Variants in PLEKHA7 observed in about 807,000 individuals in gnomAD.
PLEKHA7 encodes the protein pleckstrin homology domain-containing family A member 7.
In PLEKHA7, 104 loss-of-function variants were observed where a neutral mutation model predicts 170.0. That is an observed-to-expected ratio of 0.61 (90% CI 0.52 to 0.72). The LOEUF (loss-of-function observed/expected upper bound fraction) is 0.72, where lower values mean the gene tolerates loss of function less well. Among genes scored for constraint, PLEKHA7 ranks in the 30% least tolerant of loss-of-function variants. The probability of loss-of-function intolerance (pLI) is 0.00; values close to 1 mark genes in which losing one functional copy is unlikely to be tolerated. For synonymous variants in PLEKHA7, 648 were observed against 660.8 expected, an observed-to-expected ratio of 0.98 and a Z score of 0.30; for missense variants, 1,615 against 1,671.7, an observed-to-expected ratio of 0.97 and a Z score of 0.59.
At chr11:17,006,542 C>T (rs1455152140) in intron 3 of PLEKHA7, among the ~76,000 whole-genome samples, 3 of 150,792 alleles carry the variant, frequency 2.0e-5, no homozygotes, top group African/African-American at 7.3e-5. Context: ...GTGGAAGAAT[C>T]GCTTGAACCC....
At chr11:16,962,038 T>A (rs1862094235) in intron 3 of PLEKHA7, among the ~76,000 whole-genome samples, 1 of 152,170 alleles carries the variant, frequency 6.6e-6, no homozygotes. Flanking sequence ...CACTCCCACT[T>A]CAGAAGGGAG....
rs368569915 is a variant in PLEKHA7, at chr11:16,985,486, G to A, written c.221+28503C>T. ...GTGTAACATGAAGCAGGACAGTCAC[G>A]TGAGCAGCAAATGCAGTGCCAAGAG... On this transcript the variant is annotated intron_variant, in intron 3 of 26. Transcript: ENST00000531066. Among the ~76,000 whole-genome samples the A allele has an allele frequency of 4.0e-5, 6 of 151,864 alleles. No individual in the cohort carries two copies. In the East Asian group the frequency reaches 7.8e-4, roughly 20 times the overall value.
chr11:16,793,881 G>A (rs889765071), intron 19 of PLEKHA7, among the ~76,000 whole-genome samples: 2 of 152,200 alleles, frequency 1.3e-5, no homozygotes, highest in Non-Finnish European at 2.9e-5. Context: ...AAAAGAGAAG[G>A]GCCAGGAGAT....
chr11:16,947,926 A>G (rs147276542), intron 3 of PLEKHA7, among the ~76,000 whole-genome samples: 47,681 of 149,466 alleles, frequency 0.32, 8,172 homozygotes, highest in Non-Finnish European at 0.39. Context: ...AAAAAAAAAA[A>G]AAAAAAGAAA....
At chr11:16,914,545 G>A (rs939395887) in intron 3 of PLEKHA7, among the ~76,000 whole-genome samples, 6 of 152,158 alleles carry the variant, frequency 3.9e-5, no homozygotes, top group Admixed American at 1.3e-4. Flanking sequence ...TAATTCATGG[G>A]GGTCTCATTC....
intron 6 of PLEKHA7, among the ~76,000 whole-genome samples, chr11:16,853,273 T>C (rs1235498641): frequency 6.6e-6 from 1 of 152,236 alleles, no homozygotes; most frequent in Non-Finnish European, 1.5e-5. Flanking sequence ...GAAAAACATC[T>C]GACAATTTCT....
At chr11:16,877,450 C>T (rs983048206) in intron 3 of PLEKHA7, among the ~76,000 whole-genome samples, 1 of 152,176 alleles carries the variant, frequency 6.6e-6, no homozygotes, top group Non-Finnish European at 1.5e-5. Context: ...TATGTTTCCT[C>T]AATTGTTTTT....
chr11:16,822,713 G>C (rs1363941690), intron 10 of PLEKHA7, among the ~76,000 whole-genome samples: 1 of 152,060 alleles, frequency 6.6e-6, no homozygotes, highest in Non-Finnish European at 1.5e-5. Flanking sequence ...GTGTTCTGTT[G>C]TTGGCCCTCT....
intron 3 of PLEKHA7, among the ~76,000 whole-genome samples, chr11:16,890,567 G>C (rs1215288211): frequency 6.6e-6 from 1 of 152,128 alleles, no homozygotes; most frequent in African/African-American, 2.4e-5. Context: ...TTTTATCATA[G>C]ATGGTAACTC....
chr11:17,008,169 C>T (rs1399869203), intron 3 of PLEKHA7, among the ~76,000 whole-genome samples: 1 of 152,154 alleles, frequency 6.6e-6, no homozygotes, highest in Admixed American at 6.5e-5. Context: ...AAAGTACCTA[C>T]ACAGGGTGGC....
At chr11:16,851,319 A>C in intron 7 of PLEKHA7, 28 bp from the exon 8 acceptor site, 4 of 1,561,486 alleles carry the variant, frequency 2.6e-6, no homozygotes, top group East Asian at 2.3e-5. Flanking sequence ...CATCAGAACA[A>C]CCTTCTGGGC....
Position 16,783,744 on chromosome 11 carries a change from C to A in PLEKHA7, c.3606G>T (p.Arg1202=). The A allele has an allele frequency of 1.3e-6, 2 of 1,506,294 alleles. No homozygotes were observed. Among genetic ancestry groups the A allele is most frequent in the Non-Finnish European group, 1.8e-6 (2 of 1,132,542 alleles). The allele number at this position is 1,506,294 out of a possible 1,614,324, so 93.3% of individuals were successfully genotyped here. A position where few individuals can be genotyped will look rare whatever the true frequency, so the allele number is the denominator to read the frequency against. ...TGCGGATCTTCTCGGCTTTGCGGTA[C>A]CGCGCCTGCAGCTCCTCAAGGCTGG... The part of the protein sequence containing the change: ...EPPSLEELQA[R]YRKAEKIRNI... The change falls in exon 25 of 27, where the codon CGG becomes CGT. Residue 1202 remains arginine, a synonymous_variant. Transcript: ENST00000531066.
intron 3 of PLEKHA7, among the ~76,000 whole-genome samples, chr11:16,962,552 C>T (rs1042191886): frequency 3.9e-5 from 6 of 152,190 alleles, no homozygotes; most frequent in Admixed American, 1.3e-4. Flanking sequence ...CCTGTATCTC[C>T]TGGGTTCAAG....
intron 3 of PLEKHA7, among the ~76,000 whole-genome samples, chr11:16,878,290 CCTCTGTTGCA>C (rs1234740167): frequency 6.6e-6 from 1 of 152,172 alleles, no homozygotes; most frequent in African/African-American, 2.4e-5. Context: ...TCTACCTTGG[CCTCTGTTGCA>C]CCCATTCTCC....
At position 16,783,815 on chromosome 11, in the gene PLEKHA7, C is replaced by G; in HGVS notation, c.3535G>C (p.Val1179Leu). The change falls in exon 25 of 27, where the codon GTG becomes CTG. Residue 1179 changes from valine (V) to leucine (L), a missense_variant. By Grantham distance (32) the Val-to-Leu change is conservative. Transcript: ENST00000531066. ...TCCACGTAGCGCTCAGGGATTGACA[C>G]CTTCTCTGGTTTGGACAGCTGGGGA... is the stretch of plus-strand genomic sequence containing the variant. ...ISRELSKPEK[V>L]SIPERYVELD... 1 of 1,501,728 alleles carries G rather than the reference C, an allele frequency of 6.7e-7. No individual in the cohort carries two copies. Among genetic ancestry groups the G allele is most frequent in the Non-Finnish European group, 8.8e-7 (1 of 1,130,302 alleles). 93.0% of individuals were successfully genotyped at this position (1,501,728 alleles called of 1,614,324 possible).
chr11:16,810,177 T>A (rs751731093), intron 13 of PLEKHA7, among the ~76,000 whole-genome samples: 32 of 152,254 alleles, frequency 2.1e-4, no homozygotes, highest in Non-Finnish European at 4.0e-4. Flanking sequence ...CGACTTAGCA[T>A]GTTGCTTTGG....
intron 9 of PLEKHA7, among the ~76,000 whole-genome samples, chr11:16,830,181 T>C (rs996000957): frequency 5.3e-5 from 8 of 152,014 alleles, no homozygotes; most frequent in Admixed American, 4.6e-4. Flanking sequence ...ACAAGGTCTT[T>C]CTTTGTTGCC....
At chr11:16,984,051 A>G (rs1416647921) in intron 3 of PLEKHA7, among the ~76,000 whole-genome samples, 2 of 152,126 alleles carry the variant, frequency 1.3e-5, no homozygotes, top group Non-Finnish European at 2.9e-5. Context: ...ACCCTATCTC[A>G]AAAAATAATA....
chr11:16,980,920 A>G lies in PLEKHA7; in HGVS notation c.221+33069T>C, dbSNP rs11024099. Among the ~76,000 whole-genome samples, 619 of 151,836 alleles carry G rather than the reference A, an allele frequency of 4.1e-3. 2 individuals carry two copies. Among genetic ancestry groups the G allele is most frequent in the Non-Finnish European group, 6.5e-3 (442 of 67,938 alleles). ...ACAACAAACCAGCAAGATACGGCCC[A>G]ATGATGAAGGGTCTCACATATCAGT... On this transcript the variant is annotated intron_variant, in intron 3 of 26. Transcript: ENST00000531066.
Sources: allele counts gnomAD v4.1 joint callset (sites outside exome capture counted in the v4.1 genomes callset), GRCh38; gene constraint gnomAD v4.1.1; transcripts MANE v1.5; gene names NCBI Gene and HGNC (gene_info 2026-07-23, HGNC 2026-07-21).